The following DOK5 variants were observed in gnomAD, a reference collection of about 807,000 sequenced individuals.
DOK5 encodes the protein downstream of tyrosine kinase 5.
In DOK5, 27 loss-of-function variants were observed where a neutral mutation model predicts 43.3. The observed-to-expected ratio is 0.62, with a 90% CI of 0.46 to 0.86. The LOEUF (loss-of-function observed/expected upper bound fraction) is 0.86. Among genes scored for constraint, DOK5 ranks in the 40% least tolerant of loss-of-function variants. The probability of loss-of-function intolerance (pLI) is 0.00; values close to 1 mark genes in which losing one functional copy is unlikely to be tolerated. For missense variants in DOK5, 373 were observed against 392.9 expected (o/e 0.95, Z 0.43); for synonymous variants, 146 against 140.1 (o/e 1.04, Z -0.30).
chr20:54,505,579 A>G (rs556216057), intron 1 of DOK5, among the ~76,000 whole-genome samples: 125 of 152,278 alleles, frequency 8.2e-4, no homozygotes, highest in Non-Finnish European at 1.3e-3. Context: ...GCAAAAAGAA[A>G]ACCCCCAAAA....
chr20:54,590,573 A>G (rs370329553), intron 4 of DOK5, among the ~76,000 whole-genome samples: 1 of 152,192 alleles, frequency 6.6e-6, no homozygotes, highest in African/African-American at 2.4e-5. Context: ...AGAAATCAAC[A>G]AATATTTGTT....
At chr20:54,537,231 T>C (rs530380605) in intron 1 of DOK5, among the ~76,000 whole-genome samples, 68 of 152,258 alleles carry the variant, frequency 4.5e-4, no homozygotes, top group African/African-American at 1.3e-3. Context: ...TCCTACCCCT[T>C]CTCCTGTTGT....
At chr20:54,609,886 T>C (rs548925252) in intron 5 of DOK5, among the ~76,000 whole-genome samples, 1 of 152,290 alleles carries the variant, frequency 6.6e-6, no homozygotes, top group East Asian at 1.9e-4. Flanking sequence ...GCTGGAGTAA[T>C]ATTTGATCTA....
At chr20:54,606,888 A>G (rs148166000) in intron 5 of DOK5, among the ~76,000 whole-genome samples, 6 of 152,302 alleles carry the variant, frequency 3.9e-5, no homozygotes, top group Non-Finnish European at 7.4e-5. Context: ...CAAAGGCCTC[A>G]TTTCTGTTCT....
chr20:54,510,058 C>T (rs1231159834), intron 1 of DOK5, among the ~76,000 whole-genome samples: 8 of 152,200 alleles, frequency 5.3e-5, no homozygotes, highest in Admixed American at 2.0e-4. Flanking sequence ...CCATGGCACA[C>T]GCTTACCTAT....
intron 7 of DOK5, among the ~76,000 whole-genome samples, chr20:54,644,723 A>AAAAAAAAAAAAAAAACAAAAAAAAACAC (rs1555839841): frequency 7.0e-6 from 1 of 142,404 alleles, no homozygotes. Context: ...AAAAAAAAAA[A>AAAAAAAAAAAAAAAACAAAAAAAAACAC]ACAAAATTTA....
At chr20:54,491,918 C>CAAAAAAAAAAA (rs1264787285) in intron 1 of DOK5, among the ~76,000 whole-genome samples, 5 of 144,442 alleles carry the variant, frequency 3.5e-5, no homozygotes, top group African/African-American at 1.3e-4. Flanking sequence ...CAAAGAATGG[C>CAAAAAAAAAAA]AAAAAATGAA....
chr20:54,604,071 C>T (rs1332028491), intron 5 of DOK5, among the ~76,000 whole-genome samples: 1 of 151,394 alleles, frequency 6.6e-6, no homozygotes, highest in Non-Finnish European at 1.5e-5. Context: ...CTCAGCCTCC[C>T]GAGTAGCTGA....
At chr20:54,642,549 C>CAAAAAA (rs66463305) in intron 6 of DOK5, among the ~76,000 whole-genome samples, 19 of 96,358 alleles carry the variant, frequency 2.0e-4, no homozygotes, top group Non-Finnish European at 2.7e-4. Flanking sequence ...ACTAAAAATA[C>CAAAAAA]AAAAAAAAAA....
At chr20:54,505,977 C>T (rs541903951) in intron 1 of DOK5, among the ~76,000 whole-genome samples, 1 of 152,304 alleles carries the variant, frequency 6.6e-6, no homozygotes, top group African/African-American at 2.4e-5. Flanking sequence ...AAGGAAGGCA[C>T]TACTGGCTTG....
intron 6 of DOK5, among the ~76,000 whole-genome samples, chr20:54,615,784 C>T (rs1056129456): frequency 2.0e-5 from 3 of 152,076 alleles, no homozygotes; most frequent in African/African-American, 4.8e-5. Flanking sequence ...GTGGCGTGTG[C>T]CTGTAGTCCC....
In DOK5 at chr20:54,605,001, C is replaced by CAAAAAAAAA. The variant is rs71196456; in HGVS notation, c.600-5383_600-5375dup. Among the ~76,000 whole-genome samples the CAAAAAAAAA allele has an allele frequency of 1.9e-3, 205 of 108,858 alleles. 2 individuals carry two copies. Among genetic ancestry groups the CAAAAAAAAA allele is most frequent in the African/African-American group, 9.0e-3 (200 of 22,162 alleles). 71.4% of individuals were successfully genotyped at this position (108,858 alleles called of 152,430 possible). A position where few individuals can be genotyped will look rare whatever the true frequency, so the allele number is the denominator to read the frequency against. ...TGGGCAACAGAGCAAGACTGTGTCT[C>CAAAAAAAAA]AAAAAAAAAAAATATATATATATAC... On this transcript the variant is annotated intron_variant, in intron 5 of 7. Coordinates refer to ENST00000262593, the MANE Select transcript of DOK5 (RefSeq NM_018431.5).
rs573649184 is a variant in DOK5 at position 54,497,537 on chromosome 20, G to A, written c.66+21525G>A. Among the ~76,000 whole-genome samples, 11 of 152,304 alleles carry A rather than the reference G, an allele frequency of 7.2e-5. 1 individual carries two copies. In the South Asian group the frequency reaches 2.3e-3, roughly 32 times the overall value. ...AAAAACATCATCCACTAATGAGTTT[G>A]AGGTTTTCATGTTTTGCTCTATTCT... On this transcript the variant is annotated intron_variant, in intron 1 of 7. Coordinates refer to ENST00000262593, the MANE Select transcript of DOK5 (RefSeq NM_018431.5).
At chr20:54,638,752 C>CTTTTTTTTTT (rs11476340) in intron 6 of DOK5, among the ~76,000 whole-genome samples, 19 of 98,528 alleles carry the variant, frequency 1.9e-4, no homozygotes, top group Non-Finnish European at 2.3e-4. Flanking sequence ...CTTTTCTTTT[C>CTTTTTTTTTT]TTTTTTTTTT....
chr20:54,490,899 CT>C (rs1240733358), intron 1 of DOK5, among the ~76,000 whole-genome samples: 2 of 152,150 alleles, frequency 1.3e-5, no homozygotes, highest in African/African-American at 4.8e-5. Flanking sequence ...CTTTTCCTTT[CT>C]CTCTAAGCTC....
chr20:54,602,257 C>T (rs1986320932), intron 5 of DOK5, among the ~76,000 whole-genome samples: 1 of 152,172 alleles, frequency 6.6e-6, no homozygotes, highest in Non-Finnish European at 1.5e-5. Flanking sequence ...TTTGGGAAAC[C>T]TTGTTATTCA....
intron 1 of DOK5, among the ~76,000 whole-genome samples, chr20:54,481,311 A>T (rs1981711204): frequency 6.6e-6 from 1 of 152,106 alleles, no homozygotes; most frequent in African/African-American, 2.4e-5. Context: ...CTGGGATTAC[A>T]GGCATGCACC....
At chr20:54,623,876 G>A (rs904468266) in intron 6 of DOK5, among the ~76,000 whole-genome samples, 4 of 152,188 alleles carry the variant, frequency 2.6e-5, no homozygotes, top group African/African-American at 7.2e-5. Context: ...ACTGCACCCG[G>A]CCAGTGATTT....
intron 7 of DOK5, among the ~76,000 whole-genome samples, chr20:54,646,248 G>GTTTTTTTTTTTTGT (rs1979416324): frequency 1.3e-5 from 1 of 79,922 alleles, no homozygotes; most frequent in Admixed American, 2.0e-4. Flanking sequence ...TGGTTATACT[G>GTTTTTTTTTTTTGT]TTTTTTTTTT....
Sources: allele counts gnomAD v4.1 joint callset (sites outside exome capture counted in the v4.1 genomes callset), GRCh38; gene constraint gnomAD v4.1.1; transcripts MANE v1.5; gene names NCBI Gene and HGNC (gene_info 2026-07-23, HGNC 2026-07-21).